Variants in AQP8 observed in about 807,000 individuals in gnomAD.
The protein encoded by AQP8 is aquaporin-8.
AQP8 carries 14 observed loss-of-function variants against 26.1 expected under a neutral mutation model. That is an observed-to-expected ratio of 0.54 (90% CI 0.35 to 0.84). AQP8 has a LOEUF of 0.84. Ranked by LOEUF, AQP8 falls within the 40% of genes least tolerant of loss-of-function variation. The pLI is 0.01. For synonymous variants in AQP8, 131 were observed against 150.7 expected (o/e 0.87, Z 0.96); for missense variants, 301 against 340.5 (o/e 0.88, Z 0.91).
At chr16:25,222,522 A>G (rs1158974219) in intron 3 of AQP8, among the ~76,000 whole-genome samples, 1 of 152,074 alleles carries the variant, frequency 6.6e-6, no homozygotes, top group Non-Finnish European at 1.5e-5. Context: ...CAGAGTTTTC[A>G]TAGCTTTATG....
chr16:25,224,498 G>A lies in AQP8; in HGVS notation c.524G>A (p.Gly175Asp). ...CTGCTGGCCCTGGCTGTATGCATGG[G>A]TGCCATCAATGAGAAGACAAAGGGC... ...TTLLALAVCMGAINEKTKGPL... is the reference protein window; with the variant it reads ...TTLLALAVCMDAINEKTKGPL... The change falls in exon 4 of 6, where the codon GGT becomes GAT. Residue 175 changes from glycine (G) to aspartate (D), a missense_variant. Coordinates refer to ENST00000219660, the MANE Select transcript of AQP8 (RefSeq NM_001169.3). The A allele has an allele frequency of 6.2e-7, 1 of 1,614,104 alleles. No homozygotes were observed.
At chr16:25,226,050 G>A (rs533901504) in intron 4 of AQP8, among the ~76,000 whole-genome samples, 260 of 152,260 alleles carry the variant, frequency 1.7e-3, no homozygotes, top group Middle Eastern at 3.4e-3. Flanking sequence ...AACTATCTGG[G>A]CTGGGGTTTT....
intron 3 of AQP8, among the ~76,000 whole-genome samples, chr16:25,223,875 G>T (rs757201134): frequency 8.8e-5 from 13 of 147,478 alleles, no homozygotes; most frequent in Admixed American, 2.0e-4. Flanking sequence ...TGTTCAAGCT[G>T]GAGTGCAGTG....
chr16:25,222,138 T>A (rs1962571105), intron 3 of AQP8, among the ~76,000 whole-genome samples: 1 of 152,040 alleles, frequency 6.6e-6, no homozygotes, highest in Admixed American at 6.6e-5. Flanking sequence ...CAATCATAGC[T>A]CACTGCAGGC....
intron 3 of AQP8, 80 bp from the exon 4 acceptor site, chr16:25,224,282 A>T: frequency 7.5e-7 from 1 of 1,326,126 alleles, no homozygotes; most frequent in Admixed American, 2.4e-5. Context: ...GGTGGGTAGC[A>T]TGCGTTTTTT....
chr16:25,224,319 G>GTC lies in AQP8; in HGVS notation c.388-37_388-36dup, dbSNP rs752382505. 3.1e-5 allele frequency: 48 copies of GTC among 1,564,154 alleles called. No homozygotes were observed. In the African/African-American group the frequency reaches 6.2e-4, roughly 20 times the overall value. ...GGCCCTCTCCCCTCAGTTTCCAGCT[G>GTC]TCTCTCTGCCCCACTGTGAGGCTCA... On this transcript the variant is annotated intron_variant, in intron 3 of 5. Coordinates refer to ENST00000219660, the MANE Select transcript of AQP8 (RefSeq NM_001169.3).
At position 25,227,147 on chromosome 16, in the gene AQP8, T is replaced by TG; in HGVS notation, c.684dup (p.Ile229AspfsTer18). The TG allele has an allele frequency of 6.2e-7, 1 of 1,614,140 alleles. No individual in the cohort carries two copies. The highest frequency in any genetic ancestry group is 2.2e-5 in the East Asian group (1 of 44,874). On this transcript the variant is annotated frameshift_variant, in exon 5 of 6. Transcript: ENST00000219660. LOFTEE classifies it high-confidence loss of function. ...GGTGGCCAACCACTGGAACTTCCAC[T>TG]GGATCTACTGGCTGGGCCCACTCCT...
At position 25,217,259 on chromosome 16, in the gene AQP8, G is replaced by T. The variant is rs192649983; in HGVS notation, c.74G>T (p.Arg25Met). The T allele has an allele frequency of 6.8e-6, 11 of 1,614,252 alleles. No homozygotes were observed. The African/African-American group carries it at 1.3e-4, about 20-fold the overall frequency. ...DKAREPSVGG[R>M]WRVSWYERFV... is the part of the protein sequence containing the mutation. ...GCCAGGGAGCCGAGCGTGGGTGGCA[G>T]GTGGCGAGTGTCCTGGTACGAACGG... Residue 25 changes from arginine to methionine, a missense_variant, in exon 2 of 6, where the codon AGG becomes ATG. Transcript: ENST00000219660.
chr16:25,221,553 C>T lies in AQP8; in HGVS notation c.357C>T (p.Leu119=), dbSNP rs373506859. The change falls in exon 3 of 6, where the codon CTC becomes CTT. Residue 119 remains leucine (L), a synonymous_variant. Coordinates refer to ENST00000219660, the MANE Select transcript of AQP8 (RefSeq NM_001169.3). ...TCCCGTACTGGGTCTCACAGCTGCT[C>T]GGGGGGATGCTCGGGGCTGCCTTGG... ...MLLPYWVSQL[L]GGMLGAALAK... is the part of the protein sequence containing the mutation. The T allele has an allele frequency of 2.2e-5, 35 of 1,613,874 alleles. No homozygotes were observed. The highest frequency in any genetic ancestry group is 1.1e-4 in the African/African-American group (8 of 74,880).
At chr16:25,217,719 G>C (rs1364538536) in intron 2 of AQP8, among the ~76,000 whole-genome samples, 1 of 152,146 alleles carries the variant, frequency 6.6e-6, no homozygotes, top group Non-Finnish European at 1.5e-5. Flanking sequence ...GTAGAGATGG[G>C]GTCTCACTAT....
intron 3 of AQP8, among the ~76,000 whole-genome samples, chr16:25,223,139 T>C (rs1962586022): frequency 6.6e-6 from 1 of 152,238 alleles, no homozygotes; most frequent in Non-Finnish European, 1.5e-5. Context: ...ATTTTATAGA[T>C]GAGAAAACAG....
At chr16:25,227,310 A>C in intron 5 of AQP8, 108 bp downstream of exon 5, 1 of 1,448,974 alleles carries the variant, frequency 6.9e-7, no homozygotes, top group African/African-American at 1.4e-5. Flanking sequence ...TGGAAGAGAA[A>C]AGAGGGAGCC....
intron 2 of AQP8, among the ~76,000 whole-genome samples, chr16:25,218,438 C>T (rs1597626831): frequency 6.6e-6 from 1 of 152,110 alleles, no homozygotes; most frequent in African/African-American, 2.4e-5. Flanking sequence ...CCCAGGAGAG[C>T]CAGCCATCAC....
intron 5 of AQP8, 118 bp from the exon 6 acceptor site, chr16:25,228,326 A>T (rs987890442): frequency 2.3e-6 from 2 of 869,306 alleles, no homozygotes; most frequent in Non-Finnish European, 3.8e-6. Context: ...GGATCTGGCT[A>T]TTAAGGCTGG....
At chr16:25,227,307 GA>G (rs1312461192) in intron 5 of AQP8, 105 bp downstream of exon 5, 2 of 1,464,732 alleles carry the variant, frequency 1.4e-6, no homozygotes, top group East Asian at 2.3e-5. Context: ...GTTTGGAAGA[GA>G]AAAGAGGGAG....
chr16:25,220,028 C>T (rs1962536826), intron 2 of AQP8, among the ~76,000 whole-genome samples: 1 of 148,324 alleles, frequency 6.7e-6, no homozygotes, highest in African/African-American at 2.6e-5. Context: ...AAGGGAGACC[C>T]TGTCTCAAAA....
At chr16:25,227,276 G>C in intron 5 of AQP8, 74 bp downstream of exon 5, 1 of 1,590,654 alleles carries the variant, frequency 6.3e-7, no homozygotes, top group Non-Finnish European at 8.6e-7. Flanking sequence ...TCCGGGACTA[G>C]AGGGCTAGGC....
chr16:25,228,061 T>A (rs946383643), intron 5 of AQP8, among the ~76,000 whole-genome samples: 1 of 145,942 alleles, frequency 6.9e-6, no homozygotes, highest in Non-Finnish European at 1.5e-5. Context: ...AAGTCAGGAG[T>A]TGGAGACCAG....
In AQP8 at chr16:25,221,457, T is replaced by C; in HGVS notation, c.261T>C (p.Ser87=). The C allele has an allele frequency of 6.2e-7, 1 of 1,614,004 alleles. No homozygotes were observed. Among genetic ancestry groups the C allele is most frequent in the Non-Finnish European group, 8.5e-7 (1 of 1,179,956 alleles). ...GLVIATLGNI[S]GGHFNPAVSL... ...CTTCCTCTGCTCTTGTGGGTTACAG[T>C]GGTGGACACTTCAACCCTGCGGTGT... The change falls in exon 3 of 6, where the codon AGT becomes AGC. Residue 87 remains serine (S), a splice_region_variant and synonymous_variant. Coordinates refer to ENST00000219660, the MANE Select transcript of AQP8 (RefSeq NM_001169.3).
Sources: gnomAD v4.1 joint callset for allele counts (sites outside exome capture counted in the v4.1 genomes callset) on GRCh38, gnomAD v4.1.1 for gene constraint, MANE v1.5 for transcripts, NCBI Gene and HGNC (gene_info 2026-07-23, HGNC 2026-07-21) for gene names.